Variants in JPH3 observed in about 807,000 individuals in gnomAD.
JPH3 encodes junctophilin-3.
A neutral mutation model predicts 59.6 loss-of-function variants in JPH3; 11 were observed. The observed-to-expected ratio is 0.18, with a 90% CI of 0.12 to 0.31. JPH3 has a LOEUF of 0.31. Ranked by LOEUF, JPH3 falls within the 10% of genes least tolerant of loss-of-function variation. JPH3 has a pLI of 1.00. For synonymous variants in JPH3, 673 were observed against 483.6 expected, an observed-to-expected ratio of 1.39 and a Z score of -5.14; for missense variants, 1,202 against 1,105.7, an observed-to-expected ratio of 1.09 and a Z score of -1.24.
intron 3 of JPH3, 130 bp downstream of exon 3, chr16:87,684,396 C>CCGG (rs1422639222): frequency 7.2e-7 from 1 of 1,389,796 alleles, no homozygotes; most frequent in Non-Finnish European, 9.7e-7. Context: ...GCTCCCCTGC[C>CCGG]CGGTGTCTTC....
chr16:87,641,355 T>C (rs1002076444), intron 1 of JPH3, among the ~76,000 whole-genome samples: 2 of 152,184 alleles, frequency 1.3e-5, no homozygotes, highest in African/African-American at 4.8e-5. Context: ...CTGATGTTGA[T>C]GGCAGTGAGG....
At chr16:87,664,224 G>T (rs2032791493) in intron 2 of JPH3, among the ~76,000 whole-genome samples, 1 of 150,868 alleles carries the variant, frequency 6.6e-6, no homozygotes. Flanking sequence ...CCAGCTACAT[G>T]GGAGGCTGAG....
In JPH3 at chr16:87,690,339, A is replaced by G; in HGVS notation, c.1979A>G (p.Gln660Arg). 1 of 1,572,740 alleles carries G rather than the reference A, an allele frequency of 6.4e-7. No individual in the cohort carries two copies. Among genetic ancestry groups the G allele is most frequent in the Non-Finnish European group, 8.6e-7 (1 of 1,161,198 alleles). Residue 660 changes from glutamine to arginine, a missense_variant, in exon 4 of 5, where the codon CAG becomes CGG. By Grantham distance (43) the Gln-to-Arg change is conservative. Transcript: ENST00000284262. ...GTGCAGAGACTGCGGTCCAAGGCCC[A>G]GAACAAGGAGAACTTCAGGCCGGCC... ...FGVQRLRSKA[Q>R]NKENFRPASS...
rs574154598 is a variant in JPH3, at chr16:87,697,250, C to G, written c.*590C>G. ...GGGAGGGGGAGGGATCGGCCACCTC[C>G]TCCCTGTGAGACGGATGCAGGTCCT... On this transcript the variant is annotated 3_prime_UTR_variant, in exon 5 of 5. Coordinates refer to ENST00000284262, the MANE Select transcript of JPH3 (RefSeq NM_020655.4). 1 of 154,700 alleles carries G rather than the reference C, an allele frequency of 6.5e-6. No individual in the cohort carries two copies. The highest frequency in any genetic ancestry group is 1.9e-4 in the East Asian group (1 of 5,268). 9.6% of individuals were successfully genotyped at this position (154,700 alleles called of 1,614,324 possible). A position where few individuals can be genotyped will look rare whatever the true frequency, so the allele number is the denominator to read the frequency against.
chr16:87,660,816 C>T (rs549871394), intron 2 of JPH3, among the ~76,000 whole-genome samples: 19 of 152,158 alleles, frequency 1.2e-4, no homozygotes, highest in Admixed American at 5.9e-4. Flanking sequence ...AACAGCTCCA[C>T]CCAGTTATGG....
chr16:87,607,176 G>A (rs1283046528), intron 1 of JPH3, among the ~76,000 whole-genome samples: 1 of 152,200 alleles, frequency 6.6e-6, no homozygotes, highest in African/African-American at 2.4e-5. Flanking sequence ...CCCATACACT[G>A]CCCAGGACCC....
At chr16:87,664,648 G>A (rs545850014) in intron 2 of JPH3, among the ~76,000 whole-genome samples, 4 of 152,294 alleles carry the variant, frequency 2.6e-5, no homozygotes, top group South Asian at 4.2e-4. Flanking sequence ...TAATTCGTCC[G>A]TCTCCTCGGC....
intron 1 of JPH3, among the ~76,000 whole-genome samples, chr16:87,630,295 C>T (rs988604220): frequency 4.6e-5 from 7 of 152,228 alleles, no homozygotes; most frequent in Admixed American, 2.0e-4. Flanking sequence ...TGTCTGCAAA[C>T]GGTGCTTTTG....
At chr16:87,609,145 T>C (rs2030638782) in intron 1 of JPH3, among the ~76,000 whole-genome samples, 1 of 152,260 alleles carries the variant, frequency 6.6e-6, no homozygotes, top group African/African-American at 2.4e-5. Context: ...CCCTACCCTG[T>C]CAGTCCTTCC....
At chr16:87,658,838 G>A (rs1042320048) in intron 2 of JPH3, among the ~76,000 whole-genome samples, 3 of 152,256 alleles carry the variant, frequency 2.0e-5, no homozygotes, top group African/African-American at 7.2e-5. Flanking sequence ...TGCTGAGGCA[G>A]GGGTGGGTGG....
At position 87,684,083 on chromosome 16, in the gene JPH3, C is replaced by G; in HGVS notation, c.1161-59C>G. 9.5e-6 allele frequency: 13 copies of G among 1,370,302 alleles called. 1 individual carries two copies. In the South Asian group the frequency reaches 1.3e-4, roughly 14 times the overall value. 84.9% of individuals were successfully genotyped at this position (1,370,302 alleles called of 1,614,324 possible). A position where few individuals can be genotyped will look rare whatever the true frequency, so the allele number is the denominator to read the frequency against. ...TGGGGGGTTGGCAGAGTACCTCAAC[C>G]CAGACCCCTGTCACCTGTGCCCCCT... On this transcript the variant is annotated intron_variant, in intron 2 of 4. Coordinates refer to ENST00000284262, the MANE Select transcript of JPH3 (RefSeq NM_020655.4).
chr16:87,603,455 C>T lies in JPH3; in HGVS notation c.309C>T (p.Asn103=), dbSNP rs200715575. Residue 103 remains asparagine, a synonymous_variant, in exon 1 of 5, where the codon AAC becomes AAT. Coordinates refer to ENST00000284262, the MANE Select transcript of JPH3 (RefSeq NM_020655.4). The part of the protein sequence containing the change: ...GRYGVRECAG[N]GAKYEGTWSN... ...ACGGGGTGCGGGAGTGCGCGGGCAA[C>T]GGGGCCAAATACGAAGGGACCTGGA... 9.3e-5 allele frequency: 146 copies of T among 1,563,816 alleles called. 1 individual carries two copies. The East Asian group carries it at 1.2e-3, about 13-fold the overall frequency.
At chr16:87,656,760 G>T (rs1430224720) in intron 2 of JPH3, among the ~76,000 whole-genome samples, 1 of 152,182 alleles carries the variant, frequency 6.6e-6, no homozygotes, top group Admixed American at 6.5e-5. Flanking sequence ...TTTCTCCTCT[G>T]CCTTGTGGCT....
intron 2 of JPH3, among the ~76,000 whole-genome samples, chr16:87,682,426 TAGGATGTGGGGCCTTTGGG>T (rs1168158198): frequency 6.6e-6 from 1 of 152,072 alleles, no homozygotes; most frequent in African/African-American, 2.4e-5. Context: ...GCGATGGTGC[TAGGATGTGGGGCCTTTGGG>T]AGGTGATGGG....
intron 2 of JPH3, among the ~76,000 whole-genome samples, chr16:87,664,156 C>G (rs773107322): frequency 1.3e-5 from 2 of 151,530 alleles, no homozygotes; most frequent in Non-Finnish European, 2.9e-5. Flanking sequence ...ACGGTGAAAC[C>G]TCGTCTCTAC....
intron 1 of JPH3, among the ~76,000 whole-genome samples, chr16:87,615,203 G>A (rs969752246): frequency 2.0e-5 from 3 of 152,222 alleles, no homozygotes; most frequent in Non-Finnish European, 4.4e-5. Context: ...CATCCTCCCC[G>A]GGGCCTAAGC....
chr16:87,644,336 C>T lies in JPH3; in HGVS notation c.461C>T (p.Ala154Val), dbSNP rs200924111. The T allele has an allele frequency of 1.5e-5, 25 of 1,612,952 alleles. No individual in the cohort carries two copies. The highest frequency in any genetic ancestry group is 1.6e-4 in the Middle Eastern group (1 of 6,062). The change falls in exon 2 of 5, where the codon GCG becomes GTG. Residue 154 changes from alanine to valine, a missense_variant. Physicochemically the swap from Ala to Val is moderately conservative, Grantham distance 64. Coordinates refer to ENST00000284262, the MANE Select transcript of JPH3 (RefSeq NM_020655.4). Reference protein sequence around the residue: ...VRQSVPYGMAAVIRSPLRTSI... With the variant: ...VRQSVPYGMAVVIRSPLRTSI... ...CAGAGCGTCCCGTATGGCATGGCCG[C>T]GGTCATCCGCTCACCCCTGAGGACG...
In JPH3 at chr16:87,697,041, G is replaced by T; in HGVS notation, c.*381G>T. On this transcript the variant is annotated 3_prime_UTR_variant, in exon 5 of 5. Transcript: ENST00000284262. Reference sequence around the variant, plus strand: ...GAGGGCAGCCCGGGGCAGAGCCTCAGCCCCGCGGCCCCTGAGTGGCAGGGC... The same window carrying T: ...GAGGGCAGCCCGGGGCAGAGCCTCATCCCCGCGGCCCCTGAGTGGCAGGGC... The T allele has an allele frequency of 3.6e-6, 1 of 280,698 alleles. No individual in the cohort carries two copies. The highest frequency in any genetic ancestry group is 6.9e-6 in the Non-Finnish European group (1 of 143,976). 17.4% of individuals were successfully genotyped at this position (280,698 alleles called of 1,614,324 possible).
At chr16:87,652,571 C>T (rs2032358533) in intron 2 of JPH3, among the ~76,000 whole-genome samples, 1 of 152,270 alleles carries the variant, frequency 6.6e-6, no homozygotes, top group South Asian at 2.1e-4. Context: ...TCAAGTGATC[C>T]TCCTGCTTCC....
Sources: allele counts gnomAD v4.1 joint callset (sites outside exome capture counted in the v4.1 genomes callset), GRCh38; gene constraint gnomAD v4.1.1; transcripts MANE v1.5; gene names NCBI Gene and HGNC (gene_info 2026-07-23, HGNC 2026-07-21).